Variants in MYO10 observed in about 807,000 individuals in gnomAD.
MYO10 encodes myosin X.
MYO10 carries 133 observed loss-of-function variants against 257.3 expected under a neutral mutation model. That is an observed-to-expected ratio of 0.52 (90% CI 0.45 to 0.60). The LOEUF (loss-of-function observed/expected upper bound fraction) is 0.60, where lower values mean the gene tolerates loss of function less well. MYO10 is among the 20% of genes least tolerant of loss of function. The probability of loss-of-function intolerance (pLI) is 0.00; values close to 1 mark genes in which losing one functional copy is unlikely to be tolerated. For missense variants in MYO10, 2,399 were observed against 2,635.7 expected (o/e 0.91, Z 1.97); for synonymous variants, 1,104 against 1,028.6 (o/e 1.07, Z -1.40).
intron 19 of MYO10, among the ~76,000 whole-genome samples, chr5:16,728,818 C>T (rs1045280791): frequency 2.0e-5 from 3 of 152,184 alleles, no homozygotes; most frequent in South Asian, 2.1e-4. Context: ...TGGCCTGGGA[C>T]GGCTGCCTGT....
At chr5:16,780,438 A>G in intron 8 of MYO10, 86 bp downstream of exon 8, 2 of 1,231,204 alleles carry the variant, frequency 1.6e-6, no homozygotes, top group South Asian at 2.6e-5. Flanking sequence ...TGTCAACATT[A>G]AAACAGATGT....
chr5:16,722,241 G>T (rs940778988), intron 19 of MYO10, among the ~76,000 whole-genome samples: 8 of 152,100 alleles, frequency 5.3e-5, no homozygotes, highest in African/African-American at 1.7e-4. Flanking sequence ...TGTGACCCCT[G>T]GTCACACTCT....
intron 4 of MYO10, among the ~76,000 whole-genome samples, chr5:16,792,810 T>C (rs1225273148): frequency 6.6e-6 from 1 of 152,188 alleles, no homozygotes; most frequent in African/African-American, 2.4e-5. Context: ...ATATGTCTCC[T>C]GTGGTCTTAC....
rs529595948 is a variant in MYO10, at chr5:16,890,969, TGAA to T, written c.22-13265_22-13263del. 6.5e-3 allele frequency among the ~76,000 whole-genome samples: 981 copies of T among 151,830 alleles called. 7 individuals carry two copies. The highest frequency in any genetic ancestry group is 0.01 in the Non-Finnish European group (707 of 68,008). ...CACATGTTGTATGACTCCATTTATA[TGAA>T]GAAGTTAAATCCATAGAGACAGAAA... On this transcript the variant is annotated intron_variant, in intron 1 of 40. Coordinates refer to ENST00000513610, the MANE Select transcript of MYO10 (RefSeq NM_012334.3).
At chr5:16,677,098 C>T (rs1342120615) in intron 33 of MYO10, among the ~76,000 whole-genome samples, 1 of 152,112 alleles carries the variant, frequency 6.6e-6, no homozygotes, top group Admixed American at 6.6e-5. Flanking sequence ...TGTACCTATG[C>T]TCCTAAAATG....
At chr5:16,784,222 G>T (rs1431692443) in intron 4 of MYO10, among the ~76,000 whole-genome samples, 1 of 152,214 alleles carries the variant, frequency 6.6e-6, no homozygotes, top group Admixed American at 6.5e-5. Context: ...AGATTCTTAT[G>T]GGAGAATGAG....
At chr5:16,670,143 AT>A (rs1483162248) in intron 39 of MYO10, among the ~76,000 whole-genome samples, 2 of 152,220 alleles carry the variant, frequency 1.3e-5, no homozygotes, top group African/African-American at 4.8e-5. Flanking sequence ...TTTCAAACAG[AT>A]GGCTGTAAAG....
intron 4 of MYO10, among the ~76,000 whole-genome samples, chr5:16,787,609 TAAAAAA>T (rs70940401): frequency 1.7e-3 from 207 of 124,968 alleles, no homozygotes; most frequent in Middle Eastern, 4.1e-3. Flanking sequence ...TGTTTTGCTT[TAAAAAA>T]AAAAAAAAAA....
intron 10 of MYO10, among the ~76,000 whole-genome samples, 187 bp from the exon 11 acceptor site, chr5:16,766,385 GA>G (rs527965044): frequency 5.2e-4 from 79 of 152,338 alleles, no homozygotes; most frequent in Admixed American, 1.0e-3. Context: ...GTGCTTGGAC[GA>G]AGTGTGGTCT....
intron 1 of MYO10, among the ~76,000 whole-genome samples, chr5:16,910,079 T>C (rs1046705504): frequency 6.6e-6 from 1 of 152,186 alleles, no homozygotes; most frequent in Non-Finnish European, 1.5e-5. Context: ...GCCTCAGGTA[T>C]TCCTTTATAG....
chr5:16,715,794 G>A (rs962239047), intron 19 of MYO10, among the ~76,000 whole-genome samples: 7 of 152,004 alleles, frequency 4.6e-5, no homozygotes, highest in Non-Finnish European at 8.8e-5. Context: ...GGTGGCTCAC[G>A]CCTGTAATCC....
Position 16,680,160 on chromosome 5 carries a change from G to A in MYO10, c.4385-56C>T, listed in dbSNP as rs947412305. ...CGTCAACGCCAACCTCGGGGACTGA[G>A]GCAATGCCTGTGTCCTCTCTGACCT... is the stretch of plus-strand genomic sequence containing the variant. On this transcript the variant is annotated intron_variant, in intron 32 of 40. Coordinates refer to ENST00000513610, the MANE Select transcript of MYO10 (RefSeq NM_012334.3). The A allele has an allele frequency of 3.8e-6, 6 of 1,569,368 alleles. No homozygotes were observed. The African/African-American group carries it at 8.1e-5, about 21-fold the overall frequency.
intron 3 of MYO10, among the ~76,000 whole-genome samples, chr5:16,796,736 T>C (rs1425264465): frequency 1.3e-5 from 2 of 152,226 alleles, no homozygotes; most frequent in African/African-American, 4.8e-5. Flanking sequence ...ACAGTGTGTC[T>C]AGGGCTTTAT....
intron 2 of MYO10, among the ~76,000 whole-genome samples, chr5:16,865,528 A>G (rs1184242896): frequency 2.0e-5 from 3 of 152,338 alleles, no homozygotes; most frequent in South Asian, 2.1e-4. Context: ...AGAGGAAAGC[A>G]GTTTAAAAAT....
At chr5:16,743,843 A>G (rs10043510) in intron 19 of MYO10, among the ~76,000 whole-genome samples, 41,830 of 152,066 alleles carry the variant, frequency 0.28, 9,465 homozygotes, top group African/African-American at 0.61. Context: ...GACTCCTAAT[A>G]TCAACTTTGG....
chr5:16,711,738 G>A (rs1738630707), intron 19 of MYO10, among the ~76,000 whole-genome samples: 1 of 151,584 alleles, frequency 6.6e-6, no homozygotes, highest in Admixed American at 6.6e-5. Flanking sequence ...TGGCGCCACT[G>A]CACTACAGCC....
intron 19 of MYO10, chr5:16,713,314 G>T (rs1738704291): frequency 1.0e-6 from 1 of 985,602 alleles, no homozygotes; most frequent in Non-Finnish European, 1.2e-6. Flanking sequence ...CATCCAAAAA[G>T]TTCAGCCACA....
intron 9 of MYO10, among the ~76,000 whole-genome samples, chr5:16,776,978 C>A (rs987343351): frequency 6.6e-4 from 100 of 151,946 alleles, no homozygotes; most frequent in African/African-American, 2.4e-3. Flanking sequence ...GGAAAAAAGC[C>A]AGAGACAAGT....
At chr5:16,704,108 C>A (rs540914395) in intron 22 of MYO10, among the ~76,000 whole-genome samples, 1 of 151,820 alleles carries the variant, frequency 6.6e-6, no homozygotes, top group Non-Finnish European at 1.5e-5. Flanking sequence ...ATCCCATGAG[C>A]CCAGGAGTTT....
Sources: gnomAD v4.1 joint callset for allele counts (sites outside exome capture counted in the v4.1 genomes callset) on GRCh38, gnomAD v4.1.1 for gene constraint, MANE v1.5 for transcripts, NCBI Gene and HGNC (gene_info 2026-07-23, HGNC 2026-07-21) for gene names.